ASTN2: variants seen among roughly 807,000 people sequenced by gnomAD.
ASTN2 encodes astrotactin 2, also known as astrotactin-2.
Under a neutral mutation model 139.8 loss-of-function variants are expected in ASTN2, and 54 were observed. That is an observed-to-expected ratio of 0.39 (90% CI 0.31 to 0.48). The LOEUF (loss-of-function observed/expected upper bound fraction) is 0.48. ASTN2 is among the 20% of genes least tolerant of loss of function. ASTN2 has a pLI of 0.95. For synonymous variants in ASTN2, 756 were observed against 719.5 expected, an observed-to-expected ratio of 1.05 and a Z score of -0.81; for missense variants, 1,565 against 1,725.1, an observed-to-expected ratio of 0.91 and a Z score of 1.64.
chr9:117,306,970 T>C (rs948218937), intron 1 of ASTN2, among the ~76,000 whole-genome samples: 94 of 152,270 alleles, frequency 6.2e-4, no homozygotes, highest in African/African-American at 2.2e-3. Flanking sequence ...AATCAGGCTG[T>C]TTACTGGCAT....
intron 16 of ASTN2, chr9:116,687,353 G>T: frequency 1.2e-6 from 1 of 803,244 alleles, no homozygotes; most frequent in Non-Finnish European, 1.5e-6. Context: ...GCTGCCGGCG[G>T]TGGACTCGTC....
chr9:116,722,167 T>G lies in ASTN2; in HGVS notation c.2806+3604A>C, dbSNP rs370189877. Reference sequence around the variant, plus strand: ...AAAGTCTGTAACAAAAATGATGAAATATTGGGATACTAAGGCATGCTGGTA... The same window carrying G: ...AAAGTCTGTAACAAAAATGATGAAAGATTGGGATACTAAGGCATGCTGGTA... On this transcript the variant is annotated intron_variant, in intron 16 of 22. Coordinates refer to ENST00000313400, the MANE Select transcript of ASTN2 (RefSeq NM_001365068.1). 7.9e-5 allele frequency among the ~76,000 whole-genome samples: 12 copies of G among 152,184 alleles called. No homozygotes were observed. In the South Asian group the frequency reaches 1.2e-3, roughly 16 times the overall value.
chr9:117,367,366 G>A (rs1369577055), intron 1 of ASTN2, among the ~76,000 whole-genome samples: 1 of 152,198 alleles, frequency 6.6e-6, no homozygotes, highest in Non-Finnish European at 1.5e-5. Context: ...TGGAGCAACA[G>A]CCAGACCTGT....
chr9:117,011,193 T>C (rs1024990367), intron 6 of ASTN2, among the ~76,000 whole-genome samples: 5 of 152,192 alleles, frequency 3.3e-5, no homozygotes, highest in African/African-American at 1.2e-4. Context: ...ATGAGAAATA[T>C]GGGTTTCCAT....
intron 13 of ASTN2, among the ~76,000 whole-genome samples, chr9:116,735,472 G>C (rs1218303441): frequency 6.6e-6 from 1 of 152,196 alleles, no homozygotes; most frequent in African/African-American, 2.4e-5. Context: ...TAGCAGGATG[G>C]AGGGGTAGTC....
At chr9:117,049,996 G>A (rs907477580) in intron 5 of ASTN2, among the ~76,000 whole-genome samples, 6 of 152,050 alleles carry the variant, frequency 3.9e-5, no homozygotes, top group Non-Finnish European at 5.9e-5. Flanking sequence ...AAGGTGGTGG[G>A]GGGTTTCTGA....
intron 13 of ASTN2, among the ~76,000 whole-genome samples, chr9:116,775,737 AAGGGAGGAAGGAAGG>A (rs1399908776): frequency 8.3e-6 from 1 of 120,798 alleles, no homozygotes; most frequent in Non-Finnish European, 1.7e-5. Flanking sequence ...AAGGAAGGGG[AAGGGAGGAAGGAAGG>A]AGGGAGGGAG....
At chr9:117,267,838 T>C (rs527999951) in intron 2 of ASTN2, among the ~76,000 whole-genome samples, 8 of 152,284 alleles carry the variant, frequency 5.3e-5, no homozygotes, top group East Asian at 1.9e-4. Flanking sequence ...TTTCAAGCCA[T>C]GTTCCCCAGG....
At chr9:116,463,237 TACATCCCAC>T (rs1473907641) in intron 20 of ASTN2, among the ~76,000 whole-genome samples, 1 of 152,154 alleles carries the variant, frequency 6.6e-6, no homozygotes, top group Non-Finnish European at 1.5e-5. Context: ...GCTTCTCCCT[TACATCCCAC>T]ACCACCCTAA....
chr9:117,176,152 A>G (rs901439874), intron 3 of ASTN2, among the ~76,000 whole-genome samples: 1 of 152,156 alleles, frequency 6.6e-6, no homozygotes, highest in Non-Finnish European at 1.5e-5. Context: ...TTAAATAATC[A>G]TTGAAGTTAT....
intron 13 of ASTN2, among the ~76,000 whole-genome samples, chr9:116,793,530 G>A (rs1341575433): frequency 6.6e-6 from 1 of 152,150 alleles, no homozygotes; most frequent in Non-Finnish European, 1.5e-5. Context: ...AGTATGGCTG[G>A]CTATCTAGCT....
chr9:116,855,171 A>T (rs1002623579), intron 11 of ASTN2, among the ~76,000 whole-genome samples: 2 of 152,238 alleles, frequency 1.3e-5, no homozygotes, highest in Admixed American at 1.3e-4. Context: ...GAGAAGAAAA[A>T]AATATTTAAT....
At chr9:116,911,674 G>A (rs187489411) in intron 10 of ASTN2, among the ~76,000 whole-genome samples, 1 of 152,294 alleles carries the variant, frequency 6.6e-6, no homozygotes, top group Admixed American at 6.5e-5. Flanking sequence ...GGAGGCCGAG[G>A]CAGGCGGATC....
chr9:117,193,970 GTTGTTGTTT>G (rs1831421594), intron 3 of ASTN2, among the ~76,000 whole-genome samples: 1 of 152,020 alleles, frequency 6.6e-6, no homozygotes, highest in Admixed American at 6.6e-5. Context: ...TGTTGTTGTT[GTTGTTGTTT>G]TTCCTTTCCC....
intron 16 of ASTN2, among the ~76,000 whole-genome samples, chr9:116,677,462 A>G (rs1215624287): frequency 6.6e-6 from 1 of 152,002 alleles, no homozygotes; most frequent in Non-Finnish European, 1.5e-5. Flanking sequence ...ATTATGAGAG[A>G]GCTTTGGTTT....
chr9:116,453,946 G>C (rs571036786), intron 20 of ASTN2, among the ~76,000 whole-genome samples: 16 of 152,316 alleles, frequency 1.1e-4, no homozygotes, highest in Admixed American at 4.6e-4. Context: ...CACTGGCTCA[G>C]CTGGAGCCTG....
chr9:116,910,808 G>C (rs1367875663), intron 10 of ASTN2, among the ~76,000 whole-genome samples: 1 of 152,226 alleles, frequency 6.6e-6, no homozygotes, highest in African/African-American at 2.4e-5. Flanking sequence ...GGTGACAGTG[G>C]GAGGCTGTTG....
rs527937243 is a variant in ASTN2 at position 116,711,852 on chromosome 9, C to T, written c.2806+13919G>A. ...CTAAATTTTAAGCTATTATTTTTCTCCTTGAAACACTACTACAACTCCCTA... is the reference window on the plus strand; with the variant it reads ...CTAAATTTTAAGCTATTATTTTTCTTCTTGAAACACTACTACAACTCCCTA... On this transcript the variant is annotated intron_variant, in intron 16 of 22. Coordinates refer to ENST00000313400, the MANE Select transcript of ASTN2 (RefSeq NM_001365068.1). 3.3e-5 allele frequency among the ~76,000 whole-genome samples: 5 copies of T among 152,194 alleles called. No individual in the cohort carries two copies. The East Asian group carries it at 9.7e-4, about 29-fold the overall frequency.
chr9:117,002,210 A>C (rs1055206683), intron 7 of ASTN2, among the ~76,000 whole-genome samples: 1 of 152,208 alleles, frequency 6.6e-6, no homozygotes, highest in South Asian at 2.1e-4. Context: ...AGGGGAGATA[A>C]ACTTTCAAAC....
Sources: gnomAD v4.1 joint callset for allele counts (sites outside exome capture counted in the v4.1 genomes callset) on GRCh38, gnomAD v4.1.1 for gene constraint, MANE v1.5 for transcripts, NCBI Gene and HGNC (gene_info 2026-07-23, HGNC 2026-07-21) for gene names.